Variants in ADAM2 observed in about 807,000 individuals in gnomAD.
The protein encoded by ADAM2 is ADAM metallopeptidase domain 2, also known as disintegrin and metalloproteinase domain-containing protein 2.
ADAM2 carries 101 observed loss-of-function variants against 99.3 expected under a neutral mutation model. The ratio of observed to expected loss-of-function variants is 1.02; its 90% CI spans 0.87 to 1.20. The LOEUF (loss-of-function observed/expected upper bound fraction) is 1.20. ADAM2 is among the 50% of genes most tolerant of loss of function. The pLI, the probability that ADAM2 is intolerant of heterozygous loss-of-function variation, is 0.00. For missense variants in ADAM2, 948 were observed against 878.7 expected (o/e 1.08, Z -1.00); for synonymous variants, 323 against 287.6 (o/e 1.12, Z -1.25).
intron 3 of ADAM2, among the ~76,000 whole-genome samples, chr8:39,828,400 G>A (rs977575975): frequency 1.3e-5 from 2 of 151,642 alleles, no homozygotes; most frequent in African/African-American, 4.8e-5. Context: ...ATATGTTAAC[G>A]TAGAGAAACT....
chr8:39,786,825 A>T (rs999758900), intron 10 of ADAM2, 149 bp downstream of exon 10: 4 of 545,120 alleles, frequency 7.3e-6, no homozygotes, highest in Admixed American at 4.1e-5. Flanking sequence ...TTGAATGAGT[A>T]CTTCTTATAG....
intron 2 of ADAM2, among the ~76,000 whole-genome samples, chr8:39,834,956 T>C (rs1444843680): frequency 6.6e-6 from 1 of 152,108 alleles, no homozygotes; most frequent in Non-Finnish European, 1.5e-5. Flanking sequence ...AGATTCCTTG[T>C]TCTTGCAAGG....
intron 7 of ADAM2, 92 bp downstream of exon 7, chr8:39,809,318 C>A: frequency 1.5e-6 from 1 of 648,344 alleles, no homozygotes; most frequent in Non-Finnish European, 2.7e-6. Context: ...GCAAAATTAT[C>A]AATTCTTTTC....
At chr8:39,836,206 T>A (rs1199144266) in intron 2 of ADAM2, among the ~76,000 whole-genome samples, 1 of 142,054 alleles carries the variant, frequency 7.0e-6, no homozygotes, top group Non-Finnish European at 1.5e-5. Flanking sequence ...AAAATGGGCA[T>A]TTTTTTTTAC....
intron 18 of ADAM2, among the ~76,000 whole-genome samples, chr8:39,748,368 G>A (rs1823559545): frequency 1.3e-5 from 2 of 152,248 alleles, no homozygotes; most frequent in South Asian, 4.1e-4. Context: ...ATTAATTGCA[G>A]CCAATGGGAA....
chr8:39,833,906 G>C, intron 3 of ADAM2, 38 bp downstream of exon 3: 1 of 1,109,740 alleles, frequency 9.0e-7, no homozygotes, highest in African/African-American at 1.5e-5. Context: ...ATTATAAGTA[G>C]AACAAAGAGA....
chr8:39,782,076 C>T (rs1474845650), intron 10 of ADAM2, among the ~76,000 whole-genome samples: 1 of 152,174 alleles, frequency 6.6e-6, no homozygotes, highest in Admixed American at 6.5e-5. Context: ...GTGGATTATA[C>T]ATCTACATTG....
At chr8:39,771,198 T>C (rs1248646707) in intron 11 of ADAM2, among the ~76,000 whole-genome samples, 1 of 152,226 alleles carries the variant, frequency 6.6e-6, no homozygotes, top group Non-Finnish European at 1.5e-5. Flanking sequence ...CCTGGAAAAC[T>C]ATTCCTTAGT....
Position 39,821,673 on chromosome 8 carries a change from A to G in ADAM2, c.268-11T>C. Reference sequence around the variant, plus strand: ...GTAGTGGCAGAAATTCTGAAAGATAAAATACACATATCTCCATTAGAATGG... The same window carrying G: ...GTAGTGGCAGAAATTCTGAAAGATAGAATACACATATCTCCATTAGAATGG... On this transcript the variant is annotated splice_polypyrimidine_tract_variant and intron_variant, in intron 4 of 20. Coordinates refer to ENST00000265708, the MANE Select transcript of ADAM2 (RefSeq NM_001464.5). 6.5e-7 allele frequency: 1 copy of G among 1,530,872 alleles called. No homozygotes were observed. Among genetic ancestry groups the G allele is most frequent in the Middle Eastern group, 1.7e-4 (1 of 5,908 alleles). 94.8% of individuals were successfully genotyped at this position (1,530,872 alleles called of 1,614,324 possible).
At chr8:39,784,871 T>C (rs1803393487) in intron 10 of ADAM2, among the ~76,000 whole-genome samples, 2 of 152,214 alleles carry the variant, frequency 1.3e-5, no homozygotes, top group Middle Eastern at 3.2e-3. Flanking sequence ...TGTCTGTTCA[T>C]GTCTTTTGCC....
At chr8:39,788,781 C>A in intron 7 of ADAM2, 41 bp from the exon 8 acceptor site, 2 of 1,061,086 alleles carry the variant, frequency 1.9e-6, no homozygotes, top group Non-Finnish European at 2.6e-6. Flanking sequence ...ATATATATTG[C>A]TTAACATTTA....
In ADAM2 at chr8:39,777,025, A is replaced by C; in HGVS notation, c.1028T>G (p.Ile343Ser). Residue 343 changes from isoleucine (I) to serine (S), a missense_variant and splice_region_variant, in exon 11 of 21, where the codon ATT becomes AGT. Physicochemically the swap from Ile to Ser is moderately radical, Grantham distance 142. Transcript: ENST00000265708. ...GAVCIMNPEA[I>S]HFSGVKIFSN... ...AAAGTATAAAAGTCAGAAATCTTAC[A>C]TTGCTTCTGGATTCATAATGCAGAC... The C allele has an allele frequency of 1.3e-6, 2 of 1,559,098 alleles. No individual in the cohort carries two copies. The highest frequency in any genetic ancestry group is 1.8e-6 in the Non-Finnish European group (2 of 1,132,944).
chr8:39,811,963 A>C (rs1804717129), intron 6 of ADAM2, among the ~76,000 whole-genome samples: 1 of 152,220 alleles, frequency 6.6e-6, no homozygotes. Context: ...AAGCATATTC[A>C]ATTAGGAAGA....
At chr8:39,836,550 AT>A (rs1325169456) in intron 2 of ADAM2, among the ~76,000 whole-genome samples, 1 of 151,856 alleles carries the variant, frequency 6.6e-6, no homozygotes, top group Non-Finnish European at 1.5e-5. Flanking sequence ...AAAAAAAAAA[AT>A]TGATGTCTCA....
chr8:39,809,373 A>C, intron 7 of ADAM2, 37 bp downstream of exon 7: 1 of 816,918 alleles, frequency 1.2e-6, no homozygotes. Flanking sequence ...CCTCATTGCA[A>C]ATATTAAGGG....
chr8:39,755,211 A>G (rs1802101119), intron 16 of ADAM2, among the ~76,000 whole-genome samples: 1 of 152,336 alleles, frequency 6.6e-6, no homozygotes. Flanking sequence ...TTCAGTGAAT[A>G]CACATAATTT....
chr8:39,794,114 A>G (rs552890837), intron 7 of ADAM2, among the ~76,000 whole-genome samples: 2 of 152,146 alleles, frequency 1.3e-5, no homozygotes, highest in African/African-American at 4.8e-5. Context: ...GTGTTACTGT[A>G]TCAGGCATAT....
At chr8:39,781,146 T>A (rs528014121) in intron 10 of ADAM2, among the ~76,000 whole-genome samples, 212 of 152,228 alleles carry the variant, frequency 1.4e-3, no homozygotes, top group Middle Eastern at 6.8e-3. Context: ...CATATACATA[T>A]CAATGTGTGT....
chr8:39,824,756 C>T lies in ADAM2; in HGVS notation c.267+63G>A, dbSNP rs1462377562. 2.5e-5 allele frequency: 21 copies of T among 851,132 alleles called. No homozygotes were observed. The South Asian group carries it at 2.5e-4, about 10-fold the overall frequency. The allele number at this position is 851,132 out of a possible 1,614,324, so 52.7% of individuals were successfully genotyped here. On this transcript the variant is annotated intron_variant, in intron 4 of 20. Coordinates refer to ENST00000265708, the MANE Select transcript of ADAM2 (RefSeq NM_001464.5). The stretch of plus-strand genomic sequence containing the variant: ...ACTTTAGACTCTAATAACATGTGGA[C>T]ACTAAATAAGGTGATCATAGACACT...
Sources: gnomAD v4.1 joint callset for allele counts (sites outside exome capture counted in the v4.1 genomes callset) on GRCh38, gnomAD v4.1.1 for gene constraint, MANE v1.5 for transcripts, NCBI Gene and HGNC (gene_info 2026-07-23, HGNC 2026-07-21) for gene names.